VCAN: variants seen among roughly 807,000 people sequenced by gnomAD.
The protein encoded by VCAN is versican, also known as versican core protein.
In VCAN, 44 loss-of-function variants were observed where a neutral mutation model predicts 245.5. That is an observed-to-expected ratio of 0.18 (90% confidence interval 0.14 to 0.23). The LOEUF (loss-of-function observed/expected upper bound fraction) is 0.23, where lower values mean the gene tolerates loss of function less well. Ranked by LOEUF, VCAN falls within the 10% of genes least tolerant of loss-of-function variation. The pLI, the probability that VCAN is intolerant of heterozygous loss-of-function variation, is 1.00. For missense variants in VCAN, 3,793 were observed against 4,057.9 expected (o/e 0.93, Z 1.77); for synonymous variants, 1,413 against 1,437.0 (o/e 0.98, Z 0.38).
chr5:83,486,643 TAAAG>T (rs1032270119), intron 2 of VCAN, among the ~76,000 whole-genome samples: 11 of 152,236 alleles, frequency 7.2e-5, no homozygotes, highest in African/African-American at 2.7e-4. Context: ...ACTTTCCACT[TAAAG>T]AAAGAACTCA....
chr5:83,516,119 T>TCCCTAACCCAAA (rs1745847481), intron 6 of VCAN, among the ~76,000 whole-genome samples: 4 of 151,916 alleles, frequency 2.6e-5, no homozygotes. Context: ...GTAGTCCCAG[T>TCCCTAACCCAAA]CCCTAACCCA....
chr5:83,473,125 A>G (rs907860489), intron 1 of VCAN, among the ~76,000 whole-genome samples: 7 of 151,762 alleles, frequency 4.6e-5, no homozygotes, highest in African/African-American at 1.7e-4. Context: ...GCCCCGGGGG[A>G]CGTCCTCGGC....
At chr5:83,476,658 C>T (rs1393583847) in intron 1 of VCAN, among the ~76,000 whole-genome samples, 4 of 152,016 alleles carry the variant, frequency 2.6e-5, no homozygotes, top group African/African-American at 9.7e-5. Context: ...TGGTAAATTA[C>T]ATATATATAA....
chr5:83,564,827 A>G (rs1748014121), intron 12 of VCAN, among the ~76,000 whole-genome samples: 1 of 152,102 alleles, frequency 6.6e-6, no homozygotes. Context: ...AAAATAATGT[A>G]TTGTGAATGG....
At chr5:83,530,472 G>A (rs1746474412) in intron 7 of VCAN, among the ~76,000 whole-genome samples, 1 of 152,040 alleles carries the variant, frequency 6.6e-6, no homozygotes, top group Non-Finnish European at 1.5e-5. Flanking sequence ...TTTTTTGGTG[G>A]GTGAGGGGCG....
At position 83,512,073 on chromosome 5, in the gene VCAN, T is replaced by C. The variant is rs561027521; in HGVS notation, c.749-30T>C. On this transcript the variant is annotated intron_variant, in intron 5 of 14. Transcript: ENST00000265077. ...AGGAAAGGAATGAATAATAAAACTT[T>C]GGGCTTTTTTTCCCTTCTTTTTTTT... The C allele has an allele frequency of 1.5e-5, 25 of 1,613,328 alleles. No homozygotes were observed. The South Asian group carries it at 2.6e-4, about 17-fold the overall frequency.
chr5:83,546,811 T>G (rs996546816), intron 9 of VCAN, among the ~76,000 whole-genome samples: 1 of 152,160 alleles, frequency 6.6e-6, no homozygotes, highest in African/African-American at 2.4e-5. Context: ...TTTCTTTAGG[T>G]AAGAATACAT....
At chr5:83,534,449 C>G (rs1746631908) in intron 7 of VCAN, among the ~76,000 whole-genome samples, 1 of 152,022 alleles carries the variant, frequency 6.6e-6, no homozygotes, top group Non-Finnish European at 1.5e-5. Flanking sequence ...ATGCTTGACA[C>G]TGACCCATGT....
At chr5:83,532,766 T>A (rs1746570632) in intron 7 of VCAN, among the ~76,000 whole-genome samples, 1 of 152,086 alleles carries the variant, frequency 6.6e-6, no homozygotes, top group South Asian at 2.1e-4. Flanking sequence ...ATTTAAAGAA[T>A]AATAATAGTT....
intron 12 of VCAN, among the ~76,000 whole-genome samples, chr5:83,557,595 A>T (rs1180804019): frequency 6.6e-6 from 1 of 152,142 alleles, no homozygotes; most frequent in African/African-American, 2.4e-5. Flanking sequence ...TGTGTCCATT[A>T]ATTTTTAATG....
chr5:83,541,921 A>G lies in VCAN; in HGVS notation c.8918A>G (p.Gln2973Arg). Residue 2973 changes from glutamine (Q) to arginine (R), a missense_variant, in exon 8 of 15, where the codon CAG becomes CGG. Physicochemically the swap from Gln to Arg is conservative, Grantham distance 43 (BLOSUM62 1). This residue lies in a region of VCAN where 3,182 missense variants were observed against 3,250.3 expected (regional missense o/e 0.98). Transcript: ENST00000265077. ...GAAATTGAATTAGAAGGTGCTACACAGTGGCCACACTCTACTTCTGCTTCT... is the reference window on the plus strand; with the variant it reads ...GAAATTGAATTAGAAGGTGCTACACGGTGGCCACACTCTACTTCTGCTTCT... ...ADEIELEGAT[Q>R]WPHSTSASAT... 3.7e-6 allele frequency: 6 copies of G among 1,614,120 alleles called. No individual in the cohort carries two copies. The highest frequency in any genetic ancestry group is 5.1e-6 in the Non-Finnish European group (6 of 1,179,990).
chr5:83,493,406 G>A, intron 3 of VCAN, 140 bp from the exon 4 acceptor site: 1 of 1,155,976 alleles, frequency 8.7e-7, no homozygotes, highest in East Asian at 2.6e-5. Flanking sequence ...GCATAATGCT[G>A]CATGAAGTAA....
rs188852294 is a variant in VCAN at position 83,477,543 on chromosome 5, A to G, written c.-7+5520A>G. Among the ~76,000 whole-genome samples, 13 of 152,346 alleles carry G rather than the reference A, an allele frequency of 8.5e-5. No individual in the cohort carries two copies. The South Asian group carries it at 1.4e-3, about 17-fold the overall frequency. The stretch of plus-strand genomic sequence containing the variant: ...GGGAATAACTTTTTACAAAATGATA[A>G]AAGAAAATCATGGGATTAAAAAAAA... On this transcript the variant is annotated intron_variant, in intron 1 of 14. Transcript: ENST00000265077.
chr5:83,575,834 T>A (rs181434828), intron 13 of VCAN, among the ~76,000 whole-genome samples: 1 of 152,216 alleles, frequency 6.6e-6, no homozygotes, highest in East Asian at 1.9e-4. Flanking sequence ...GGATAACAAG[T>A]TTTATAAAAT....
intron 9 of VCAN, among the ~76,000 whole-genome samples, chr5:83,546,908 A>G (rs953538152): frequency 6.6e-6 from 1 of 152,242 alleles, no homozygotes; most frequent in Non-Finnish European, 1.5e-5. Context: ...GCAAAATGCT[A>G]TGGAAATAAA....
At chr5:83,548,277 G>C (rs1580056119) in intron 10 of VCAN, among the ~76,000 whole-genome samples, 193 bp downstream of exon 10, 1 of 152,146 alleles carries the variant, frequency 6.6e-6, no homozygotes, top group Non-Finnish European at 1.5e-5. Context: ...GGAATTGCAG[G>C]CAGGCAAACT....
chr5:83,512,433 A>G (rs771990709), intron 6 of VCAN, 37 bp downstream of exon 6: 1 of 1,599,976 alleles, frequency 6.3e-7, no homozygotes, highest in East Asian at 2.2e-5. Flanking sequence ...TTACAGTTTT[A>G]AAAAAAATGC....
At chr5:83,556,739 T>G (rs1001063179) in intron 12 of VCAN, among the ~76,000 whole-genome samples, 4 of 152,150 alleles carry the variant, frequency 2.6e-5, no homozygotes, top group Non-Finnish European at 4.4e-5. Context: ...TTACATTAAT[T>G]TTAATTGAAG....
At chr5:83,535,205 C>A (rs1288465124) in intron 7 of VCAN, among the ~76,000 whole-genome samples, 1 of 151,716 alleles carries the variant, frequency 6.6e-6, no homozygotes, top group Non-Finnish European at 1.5e-5. Flanking sequence ...ATTTGAATAC[C>A]CATATGCTGT....
Sources: gnomAD v4.1 joint callset for allele counts (sites outside exome capture counted in the v4.1 genomes callset) on GRCh38, gnomAD v4.1.1 for gene constraint, gnomAD v4.1.1 regional missense constraint, MANE v1.5 for transcripts, NCBI Gene and HGNC (gene_info 2026-07-23, HGNC 2026-07-21) for gene names.